Variants in ZNF385D observed in about 807,000 individuals in gnomAD.
The protein encoded by ZNF385D is zinc finger protein 659.
In ZNF385D, 15 loss-of-function variants were observed where a neutral mutation model predicts 35.8. That is an observed-to-expected ratio of 0.42 (90% CI 0.28 to 0.64). The LOEUF (loss-of-function observed/expected upper bound fraction) is 0.64. Ranked by LOEUF, ZNF385D falls within the 30% of genes least tolerant of loss-of-function variation. The probability of loss-of-function intolerance (pLI) is 0.23; values close to 1 mark genes in which losing one functional copy is unlikely to be tolerated. For missense variants in ZNF385D, 474 were observed against 494.6 expected (o/e 0.96, Z 0.39); for synonymous variants, 212 against 186.8 (o/e 1.13, Z -1.10).
intron 3 of ZNF385D, among the ~76,000 whole-genome samples, chr3:21,839,389 A>G (rs1185733106): frequency 1.3e-5 from 2 of 152,204 alleles, no homozygotes; most frequent in African/African-American, 2.4e-5. Flanking sequence ...ACTCATCATA[A>G]AAGATGACTA....
At chr3:21,879,730 C>A (rs1486847335) in intron 3 of ZNF385D, among the ~76,000 whole-genome samples, 8 of 151,922 alleles carry the variant, frequency 5.3e-5, no homozygotes, top group Non-Finnish European at 1.2e-4. Flanking sequence ...GAAAAGGGCA[C>A]CAGAGAGTCC....
At chr3:22,301,170 A>G (rs1702880095) in intron 2 of ZNF385D, among the ~76,000 whole-genome samples, 1 of 152,086 alleles carries the variant, frequency 6.6e-6, no homozygotes, top group Non-Finnish European at 1.5e-5. Context: ...TAAGCGAAAT[A>G]AGCTGGGCAC....
intron 3 of ZNF385D, among the ~76,000 whole-genome samples, chr3:21,868,612 T>G (rs1381725785): frequency 2.6e-5 from 4 of 152,136 alleles, no homozygotes; most frequent in African/African-American, 9.6e-5. Flanking sequence ...TTTAATGTGC[T>G]GGTCAGCTGA....
intron 2 of ZNF385D, among the ~76,000 whole-genome samples, chr3:22,175,464 A>AG (rs1694761190): frequency 6.6e-6 from 1 of 152,028 alleles, no homozygotes; most frequent in Non-Finnish European, 1.5e-5. Flanking sequence ...ATGAGAAAAA[A>AG]AAAGCTATTA....
At chr3:22,078,199 T>C (rs776009955) in intron 3 of ZNF385D, among the ~76,000 whole-genome samples, 10 of 152,038 alleles carry the variant, frequency 6.6e-5, no homozygotes, top group Non-Finnish European at 1.5e-4. Context: ...AACACCTTTT[T>C]AAAAAATAAT....
intron 4 of ZNF385D, among the ~76,000 whole-genome samples, chr3:21,460,739 C>T (rs1039855254): frequency 6.6e-6 from 1 of 151,980 alleles, no homozygotes; most frequent in Non-Finnish European, 1.5e-5. Context: ...ACATTCATAA[C>T]CTCCAAAATT....
chr3:22,213,351 C>T (rs911998469), intron 2 of ZNF385D, among the ~76,000 whole-genome samples: 29 of 151,930 alleles, frequency 1.9e-4, no homozygotes, highest in African/African-American at 6.0e-4. Context: ...TTACTGGTAG[C>T]ACAAAAACAA....
intron 1 of ZNF385D, among the ~76,000 whole-genome samples, chr3:21,737,277 T>C (rs1285603162): frequency 1.3e-5 from 2 of 152,226 alleles, no homozygotes; most frequent in African/African-American, 2.4e-5. Flanking sequence ...TGCACTATGA[T>C]AGTCATTGTT....
chr3:22,195,550 T>C (rs1188295944), intron 2 of ZNF385D, among the ~76,000 whole-genome samples: 3 of 152,074 alleles, frequency 2.0e-5, no homozygotes, highest in East Asian at 1.9e-4. Context: ...AAAAGTTTTA[T>C]AGTTTTACAT....
intron 2 of ZNF385D, among the ~76,000 whole-genome samples, chr3:22,329,804 T>G (rs1694851939): frequency 6.6e-6 from 1 of 152,206 alleles, no homozygotes; most frequent in Non-Finnish European, 1.5e-5. Context: ...TAACCCAATA[T>G]ATACACAATA....
chr3:22,351,421 GAT>G (rs1695911230), intron 2 of ZNF385D, among the ~76,000 whole-genome samples: 1 of 151,998 alleles, frequency 6.6e-6, no homozygotes, highest in South Asian at 2.1e-4. Flanking sequence ...AGACACAAGA[GAT>G]ATAAATAATA....
At chr3:22,034,156 T>C (rs2125488358) in intron 3 of ZNF385D, among the ~76,000 whole-genome samples, 1 of 152,270 alleles carries the variant, frequency 6.6e-6, no homozygotes, top group Non-Finnish European at 1.5e-5. Flanking sequence ...TATTCCCCAA[T>C]GTGATTGCAT....
At chr3:22,188,345 T>C (rs1400274322) in intron 2 of ZNF385D, among the ~76,000 whole-genome samples, 1 of 152,162 alleles carries the variant, frequency 6.6e-6, no homozygotes, top group East Asian at 1.9e-4. Flanking sequence ...CTACCTATAA[T>C]AGTCTTGCTT....
chr3:21,771,047 A>G (rs958668233), intron 3 of ZNF385D, among the ~76,000 whole-genome samples: 1 of 141,894 alleles, frequency 7.0e-6, no homozygotes, highest in Non-Finnish European at 1.5e-5. Context: ...CAATGAAAAC[A>G]CTTGGACACA....
rs546538462 is a variant in ZNF385D, at chr3:21,823,754, G to C, written c.326-158726C>G. ...AAAGAATACACAGTAAATGCAAATG[G>C]AGCACGTACTACCTACATATGATCA... On this transcript the variant is annotated intron_variant, in intron 3 of 5. Coordinates refer to the ZNF385D transcript ENST00000494108. 2.0e-5 allele frequency among the ~76,000 whole-genome samples: 3 copies of C among 152,226 alleles called. No individual in the cohort carries two copies. In the South Asian group the frequency reaches 6.2e-4, roughly 32 times the overall value.
intron 1 of ZNF385D, among the ~76,000 whole-genome samples, chr3:21,689,995 G>A (rs978186214): frequency 5.3e-5 from 8 of 151,712 alleles, no homozygotes; most frequent in Non-Finnish European, 7.4e-5. Flanking sequence ...TAATATTTTT[G>A]ATTGACAGAC....
chr3:21,447,619 CAT>C (rs1219881102), intron 4 of ZNF385D, among the ~76,000 whole-genome samples: 2 of 152,170 alleles, frequency 1.3e-5, no homozygotes, highest in African/African-American at 4.8e-5. Context: ...AAGGGTTTGT[CAT>C]GTGTCCTTAC....
At chr3:22,342,082 TG>T (rs1414305404) in intron 2 of ZNF385D, among the ~76,000 whole-genome samples, 1 of 151,948 alleles carries the variant, frequency 6.6e-6, no homozygotes, top group Non-Finnish European at 1.5e-5. Context: ...GAGACCATCC[TG>T]GCTAACACGG....
At chr3:21,932,044 G>C (rs748216831) in intron 3 of ZNF385D, among the ~76,000 whole-genome samples, 1 of 151,774 alleles carries the variant, frequency 6.6e-6, no homozygotes, top group Non-Finnish European at 1.5e-5. Context: ...GCGGGCACCT[G>C]TGGTCCCAGC....
Sources: allele counts gnomAD v4.1 joint callset (sites outside exome capture counted in the v4.1 genomes callset), GRCh38; gene constraint gnomAD v4.1.1; transcripts MANE v1.5; gene names NCBI Gene and HGNC (gene_info 2026-07-23, HGNC 2026-07-21).